Variants in RNF8 observed in about 807,000 individuals in gnomAD.
RNF8 encodes E3 ubiquitin-protein ligase RNF8.
A neutral mutation model predicts 59.3 loss-of-function variants in RNF8; 8 were observed. The observed-to-expected ratio is 0.13, with a 90% CI of 0.08 to 0.24. The LOEUF (loss-of-function observed/expected upper bound fraction) is 0.24. RNF8 is among the 10% of genes least tolerant of loss of function. The pLI is 1.00. For synonymous variants in RNF8, 162 were observed against 200.0 expected, an observed-to-expected ratio of 0.81 and a Z score of 1.60; for missense variants, 406 against 572.6, an observed-to-expected ratio of 0.71 and a Z score of 2.97.
intron 1 of RNF8, among the ~76,000 whole-genome samples, chr6:37,356,605 G>T (rs1196920376): frequency 6.6e-6 from 1 of 152,152 alleles, no homozygotes; most frequent in African/African-American, 2.4e-5. Flanking sequence ...TAGTTCTCAG[G>T]TACTATAAAG....
At chr6:37,368,324 T>C in intron 2 of RNF8, 160 bp from the exon 3 acceptor site, 2 of 1,567,246 alleles carry the variant, frequency 1.3e-6, no homozygotes, top group Non-Finnish European at 1.7e-6. Context: ...GCTTGACGAA[T>C]GCTGTTTCTA....
chr6:37,382,526 G>A (rs905030265), intron 7 of RNF8, among the ~76,000 whole-genome samples: 1 of 152,094 alleles, frequency 6.6e-6, no homozygotes, highest in Non-Finnish European at 1.5e-5. Context: ...CTTTTTGAGA[G>A]GAGCAGTGAT....
intron 1 of RNF8, among the ~76,000 whole-genome samples, chr6:37,357,228 C>T (rs1293901401): frequency 1.3e-5 from 2 of 152,202 alleles, no homozygotes; most frequent in African/African-American, 4.8e-5. Flanking sequence ...ACGGGAAATT[C>T]AGTGTTATGT....
chr6:37,359,058 T>C (rs1013627082), intron 1 of RNF8: 3 of 359,120 alleles, frequency 8.4e-6, no homozygotes, highest in African/African-American at 2.1e-5. Flanking sequence ...ATCGTGCCAC[T>C]GCACTCCAGC....
rs1268060667 is a variant in RNF8 at position 37,390,997 on chromosome 6, A to T, written c.*239A>T. 3 of 618,324 alleles carry T rather than the reference A, an allele frequency of 4.9e-6. No homozygotes were observed. The African/African-American group carries it at 5.6e-5, about 11-fold the overall frequency. The allele number at this position is 618,324 out of a possible 1,614,324, so 38.3% of individuals were successfully genotyped here. A position where few individuals can be genotyped will look rare whatever the true frequency, so the allele number is the denominator to read the frequency against. The stretch of plus-strand genomic sequence containing the variant: ...ACCCAACTGCTTCAGGGTACTTCGT[A>T]GACTCTGCCTCACTACATGTCGAAA... On this transcript the variant is annotated 3_prime_UTR_variant, in exon 8 of 8. Transcript: ENST00000373479.
At chr6:37,374,272 AAAG>A (rs1769925811) in intron 4 of RNF8, among the ~76,000 whole-genome samples, 1 of 152,218 alleles carries the variant, frequency 6.6e-6, no homozygotes. Context: ...CTTTAAAAAA[AAAG>A]AAAAAAAGAA....
Position 37,393,639 on chromosome 6 carries a change from A to T in RNF8, c.*2881A>T, listed in dbSNP as rs1770784554. 1 of 152,234 alleles carries T rather than the reference A, an allele frequency of 6.6e-6. No homozygotes were observed. Among genetic ancestry groups the T allele is most frequent in the South Asian group, 2.1e-4 (1 of 4,830 alleles). 9.4% of individuals were successfully genotyped at this position (152,234 alleles called of 1,614,324 possible). A position where few individuals can be genotyped will look rare whatever the true frequency, so the allele number is the denominator to read the frequency against. On this transcript the variant is annotated 3_prime_UTR_variant, in exon 8 of 8. Transcript: ENST00000373479. ...CAGCTATATGAAGCACTTTGCAGTG[A>T]ATGGCAGGTGTCCCATATCTGGTTA...
At chr6:37,377,719 T>G (rs955505722) in intron 6 of RNF8, among the ~76,000 whole-genome samples, 3 of 152,232 alleles carry the variant, frequency 2.0e-5, no homozygotes, top group Non-Finnish European at 4.4e-5. Context: ...TTCTTTACTC[T>G]GAATGGGCAC....
intron 4 of RNF8, among the ~76,000 whole-genome samples, chr6:37,373,289 T>G (rs777968250): frequency 2.2e-4 from 33 of 152,148 alleles, no homozygotes; most frequent in Non-Finnish European, 4.0e-4. Context: ...TTGCTTTGAG[T>G]GGAAAAGAAA....
chr6:37,387,358 T>A (rs918244884), intron 7 of RNF8, among the ~76,000 whole-genome samples: 5 of 152,244 alleles, frequency 3.3e-5, no homozygotes, highest in African/African-American at 1.2e-4. Flanking sequence ...TCCTTTCTTC[T>A]GGGTCTTTCC....
intron 7 of RNF8, among the ~76,000 whole-genome samples, chr6:37,383,278 A>T (rs1488259925): frequency 6.6e-6 from 1 of 152,226 alleles, no homozygotes; most frequent in Non-Finnish European, 1.5e-5. Context: ...GACCTGATTT[A>T]GGGAAAGACA....
intron 7 of RNF8, among the ~76,000 whole-genome samples, chr6:37,385,868 T>G (rs553111946): frequency 2.6e-5 from 4 of 151,668 alleles, no homozygotes; most frequent in African/African-American, 9.7e-5. Context: ...TTTTTTTTTT[T>G]TTTTGAAAAA....
At chr6:37,375,848 T>C (rs1240078729) in intron 5 of RNF8, among the ~76,000 whole-genome samples, 3 of 152,180 alleles carry the variant, frequency 2.0e-5, no homozygotes, top group Non-Finnish European at 4.4e-5. Flanking sequence ...GCTTTTTGTT[T>C]TGGGGGTGAA....
chr6:37,375,476 A>G (rs1188753477), intron 5 of RNF8, among the ~76,000 whole-genome samples: 1 of 152,220 alleles, frequency 6.6e-6, no homozygotes, highest in East Asian at 1.9e-4. Context: ...CAGGCCACCA[A>G]TTTGCAACCT....
In RNF8 at chr6:37,360,655, TATAAA is replaced by T. The variant is rs1255980789; in HGVS notation, c.240+84_240+88del. 23 of 1,391,916 alleles carry T rather than the reference TATAAA, an allele frequency of 1.7e-5. No individual in the cohort carries two copies. Among genetic ancestry groups the T allele is most frequent in the Non-Finnish European group, 2.1e-5 (22 of 1,032,076 alleles). The allele number at this position is 1,391,916 out of a possible 1,614,324, so 86.2% of individuals were successfully genotyped here. On this transcript the variant is annotated intron_variant, in intron 2 of 7. Transcript: ENST00000373479. This position sits in a 1 kb window ranked among gnomAD's most constrained non-coding sequence, Gnocchi z 4.2. Reference sequence around the variant, plus strand: ...TTTTTTTTGCATAGGTAATTCATGGTATAAAATTCAAAAGTATAACTTCTTCTTTC... The same window carrying T: ...TTTTTTTTGCATAGGTAATTCATGGTATTCAAAAGTATAACTTCTTCTTTC...
At chr6:37,366,808 C>G (rs1356702214) in intron 2 of RNF8, among the ~76,000 whole-genome samples, 1 of 152,210 alleles carries the variant, frequency 6.6e-6, no homozygotes, top group Non-Finnish European at 1.5e-5. Flanking sequence ...ATCCCCTGAA[C>G]TTAAGTCCTT....
chr6:37,353,988 G>A lies in RNF8; in HGVS notation c.-177G>A. The A allele has an allele frequency of 1.6e-6, 1 of 639,536 alleles. No homozygotes were observed. The highest frequency in any genetic ancestry group is 2.8e-6 in the Non-Finnish European group (1 of 362,122). The allele number at this position is 639,536 out of a possible 1,614,324, so 39.6% of individuals were successfully genotyped here. On this transcript the variant is annotated 5_prime_UTR_variant, in exon 1 of 8. Transcript: ENST00000373479. ...CGCCGTCCTCTTGCGCAGGCGTAGT[G>A]CTCCTGCTTCCTGGCCGAGGGCGGG...
At position 37,388,468 on chromosome 6, in the gene RNF8, G is replaced by A. The variant is rs1770598137; in HGVS notation, c.1442-2274G>A. 1.3e-5 allele frequency among the ~76,000 whole-genome samples: 2 copies of A among 152,082 alleles called. 1 individual carries two copies. Among genetic ancestry groups the A allele is most frequent in the South Asian group, 4.2e-4 (2 of 4,806 alleles). On this transcript the variant is annotated intron_variant, in intron 7 of 7. Transcript: ENST00000373479. Reference sequence around the variant, plus strand: ...GGCCAAGTTGAGATTCTAGGTTTGGGGATCATGAGCCATGGAAGTGGATGA... The same window carrying A: ...GGCCAAGTTGAGATTCTAGGTTTGGAGATCATGAGCCATGGAAGTGGATGA...
intron 7 of RNF8, among the ~76,000 whole-genome samples, chr6:37,383,278 A>G (rs1488259925): frequency 6.6e-6 from 1 of 152,226 alleles, no homozygotes; most frequent in East Asian, 1.9e-4. Context: ...GACCTGATTT[A>G]GGGAAAGACA....
Sources: gnomAD v4.1 joint callset for allele counts (sites outside exome capture counted in the v4.1 genomes callset) on GRCh38, gnomAD v4.1.1 for gene constraint, Gnocchi (gnomAD v3.1) non-coding constraint, MANE v1.5 for transcripts, NCBI Gene and HGNC (gene_info 2026-07-23, HGNC 2026-07-21) for gene names.